The following PDXDC1 variants were observed in gnomAD, a reference collection of about 807,000 sequenced individuals.
The protein encoded by PDXDC1 is pyridoxal dependent decarboxylase domain containing 1.
In PDXDC1, 42 loss-of-function variants were observed where a neutral mutation model predicts 100.1. The ratio of observed to expected loss-of-function variants is 0.42; its 90% CI spans 0.33 to 0.54. The LOEUF (loss-of-function observed/expected upper bound fraction) is 0.54, where lower values mean the gene tolerates loss of function less well. Among genes scored for constraint, PDXDC1 ranks in the 20% least tolerant of loss-of-function variants. PDXDC1 has a pLI of 0.10. For missense variants in PDXDC1, 636 were observed against 979.2 expected, an observed-to-expected ratio of 0.65 and a Z score of 4.68; for synonymous variants, 260 against 371.7, an observed-to-expected ratio of 0.70 and a Z score of 3.46.
chr16:15,077,443 T>C (rs1322750557), intron 16 of PDXDC1, among the ~76,000 whole-genome samples: 1 of 152,100 alleles, frequency 6.6e-6, no homozygotes, highest in Admixed American at 6.6e-5. Flanking sequence ...TTTCCACTTT[T>C]ACATCTTCCT....
chr16:15,068,329 G>C (rs1340368701), intron 16 of PDXDC1: 1 of 1,529,012 alleles, frequency 6.5e-7, no homozygotes. Context: ...TAAGTGAAAA[G>C]TGTAAGATAC....
At chr16:15,128,244 C>G in intron 16 of PDXDC1, 1 of 1,611,358 alleles carries the variant, frequency 6.2e-7, no homozygotes, top group Non-Finnish European at 8.5e-7. Context: ...ACACTCGGAT[C>G]TTCCACACGC....
chr16:15,131,095 A>G (rs2048031272), intron 16 of PDXDC1: 9 of 1,607,178 alleles, frequency 5.6e-6, no homozygotes, highest in African/African-American at 4.0e-5. Flanking sequence ...ACCGTCCAGC[A>G]GCGTATAGTT....
At chr16:15,122,231 T>C (rs868239650) in intron 16 of PDXDC1, among the ~76,000 whole-genome samples, 44 of 151,544 alleles carry the variant, frequency 2.9e-4, no homozygotes, top group Admixed American at 1.1e-3. Context: ...TTTCACTTTG[T>C]TTTGGTCCGT....
At chr16:15,130,229 G>T (rs573623969) in intron 16 of PDXDC1, 300 of 1,551,182 alleles carry the variant, frequency 1.9e-4, no homozygotes, top group Non-Finnish European at 2.6e-4. Flanking sequence ...CATGGCTTGG[G>T]GGCACGAAGA....
intron 1 of PDXDC1, among the ~76,000 whole-genome samples, chr16:14,992,136 G>A (rs1327019670): frequency 1.2e-4 from 19 of 152,380 alleles, no homozygotes; most frequent in African/African-American, 3.8e-4. Flanking sequence ...AATGGCAGCC[G>A]CAACAACTGC....
intron 12 of PDXDC1, among the ~76,000 whole-genome samples, chr16:15,020,115 A>G (rs1597560026): frequency 1.1e-5 from 1 of 88,236 alleles, no homozygotes; most frequent in South Asian, 3.3e-4. Context: ...CCGTCTCAAA[A>G]AAAAAAAAAA....
intron 16 of PDXDC1, chr16:15,072,928 T>G: frequency 1.9e-6 from 3 of 1,611,660 alleles, no homozygotes; most frequent in Non-Finnish European, 1.7e-6. Flanking sequence ...GCTAAGATAA[T>G]GTTAATCACA....
chr16:15,031,027 T>C (rs938624874), intron 16 of PDXDC1, among the ~76,000 whole-genome samples: 3 of 145,468 alleles, frequency 2.1e-5, no homozygotes, highest in Non-Finnish European at 3.0e-5. Flanking sequence ...CCATAGCTCA[T>C]TGCAACCTCG....
chr16:15,077,809 C>A (rs147367317), intron 16 of PDXDC1, among the ~76,000 whole-genome samples: 1,670 of 152,336 alleles, frequency 0.011, 12 homozygotes, highest in Non-Finnish European at 0.017. Context: ...CCACTGCACT[C>A]CAGCCTGGGC....
intron 16 of PDXDC1, chr16:15,137,160 G>C (rs201744988): frequency 1.8e-5 from 13 of 715,694 alleles, no homozygotes; most frequent in Admixed American, 2.0e-5. Flanking sequence ...AAGTCCCAGC[G>C]TGTGGCAGTG....
chr16:14,988,925 C>A, intron 1 of PDXDC1: 1 of 1,613,424 alleles, frequency 6.2e-7, no homozygotes, highest in East Asian at 2.2e-5. Flanking sequence ...GCAGCCCCGG[C>A]CACAGGTTCT....
intron 16 of PDXDC1, among the ~76,000 whole-genome samples, chr16:15,089,807 A>G (rs982935834): frequency 2.3e-5 from 3 of 132,800 alleles, no homozygotes; most frequent in African/African-American, 8.0e-5. Flanking sequence ...AAAAAAAAAA[A>G]AAAACAGATT....
Position 15,094,269 on chromosome 16 carries a change from G to A in PDXDC1, c.1400-44610G>A, listed in dbSNP as rs564636219. 11 of 1,487,402 alleles carry A rather than the reference G, an allele frequency of 7.4e-6. No homozygotes were observed. The South Asian group carries it at 8.5e-5, about 11-fold the overall frequency. The allele number at this position is 1,487,402 out of a possible 1,614,324, so 92.1% of individuals were successfully genotyped here. A position where few individuals can be genotyped will look rare whatever the true frequency, so the allele number is the denominator to read the frequency against. Reference sequence around the variant, plus strand: ...TAACGCGACCGCTGCGCCTCAGGCCGGATGCCCAGCTCCTTCCAGCCACAG... The same window carrying A: ...TAACGCGACCGCTGCGCCTCAGGCCAGATGCCCAGCTCCTTCCAGCCACAG... On this transcript the variant is annotated intron_variant, in intron 16 of 16. Coordinates refer to the PDXDC1 transcript ENST00000535621.
chr16:15,084,540 G>T lies in PDXDC1; in HGVS notation c.1400-54339G>T, dbSNP rs2045838147. 2.4e-5 allele frequency: 19 copies of T among 796,628 alleles called. No homozygotes were observed. The East Asian group carries it at 5.3e-4, about 22-fold the overall frequency. 49.3% of individuals were successfully genotyped at this position (796,628 alleles called of 1,614,324 possible). A position where few individuals can be genotyped will look rare whatever the true frequency, so the allele number is the denominator to read the frequency against. The stretch of plus-strand genomic sequence containing the variant: ...AGTGGATACAAAAAAAACATGCAAT[G>T]TAAGACTCAAGCTTTAATACTATTA... On this transcript the variant is annotated intron_variant, in intron 16 of 16. Transcript: ENST00000535621.
downstream of PDXDC1, among the ~76,000 whole-genome samples, chr16:15,141,911 G>A (rs1015727607): frequency 2.0e-5 from 3 of 152,152 alleles, no homozygotes; most frequent in Non-Finnish European, 2.9e-5. Context: ...ACTTTTCAGC[G>A]GCTGCGGCGG....
chr16:15,077,865 T>C (rs2045532059), intron 16 of PDXDC1, among the ~76,000 whole-genome samples: 1 of 152,068 alleles, frequency 6.6e-6, no homozygotes, highest in African/African-American at 2.4e-5. Flanking sequence ...AACATCTCTT[T>C]TTCTTCCCAG....
At chr16:15,089,632 C>T (rs1213771150) in intron 16 of PDXDC1, among the ~76,000 whole-genome samples, 2 of 151,384 alleles carry the variant, frequency 1.3e-5, no homozygotes, top group African/African-American at 2.4e-5. Flanking sequence ...AACCCCACCT[C>T]TACTAAAAAT....
At chr16:15,129,117 A>T (rs2047918365) in intron 16 of PDXDC1, among the ~76,000 whole-genome samples, 1 of 151,828 alleles carries the variant, frequency 6.6e-6, no homozygotes, top group Non-Finnish European at 1.5e-5. Flanking sequence ...CAGTTTTTAA[A>T]AGTAGGTAAT....
Sources: allele counts gnomAD v4.1 joint callset (sites outside exome capture counted in the v4.1 genomes callset), GRCh38; gene constraint gnomAD v4.1.1; transcripts MANE v1.5; gene names NCBI Gene and HGNC (gene_info 2026-07-23, HGNC 2026-07-21).